The following TNIK variants were observed in gnomAD, a reference collection of about 807,000 sequenced individuals.
TNIK encodes the protein TRAF2 and NCK interacting kinase, also known as TRAF2 and NCK-interacting protein kinase.
A neutral mutation model predicts 191.3 loss-of-function variants in TNIK; 49 were observed. The ratio of observed to expected loss-of-function variants is 0.26; its 90% CI spans 0.20 to 0.32. The LOEUF (loss-of-function observed/expected upper bound fraction) is 0.32. Ranked by LOEUF, TNIK falls within the 10% of genes least tolerant of loss-of-function variation. The probability of loss-of-function intolerance (pLI) is 1.00; values close to 1 mark genes in which losing one functional copy is unlikely to be tolerated. For missense variants in TNIK, 1,155 were observed against 1,702.3 expected, an observed-to-expected ratio of 0.68 and a Z score of 5.66; for synonymous variants, 594 against 600.9, an observed-to-expected ratio of 0.99 and a Z score of 0.17.
At chr3:171,213,996 G>A (rs2108924879) in intron 3 of TNIK, among the ~76,000 whole-genome samples, 1 of 152,268 alleles carries the variant, frequency 6.6e-6, no homozygotes, top group East Asian at 1.9e-4. Context: ...AGGCCAAAAT[G>A]TAAATCACTT....
At chr3:171,422,859 C>T (rs1459887805) in intron 1 of TNIK, among the ~76,000 whole-genome samples, 6 of 152,242 alleles carry the variant, frequency 3.9e-5, no homozygotes, top group Admixed American at 3.9e-4. Flanking sequence ...CTTCAGAACC[C>T]TGGGATCTTC....
intron 4 of TNIK, among the ~76,000 whole-genome samples, chr3:171,198,373 C>T (rs891778720): frequency 2.0e-5 from 3 of 151,966 alleles, no homozygotes; most frequent in Middle Eastern, 3.2e-3. Flanking sequence ...CTAGTGGATG[C>T]CAGGGACTGG....
In TNIK at chr3:171,126,095, T is replaced by A; in HGVS notation, c.1830A>T (p.Ser610=). ...SQGPALTASQ[S]VHEQPTKGLS... is the part of the protein sequence containing the mutation. ...GGCCCTTTGTGGGCTGCTCGTGCAC[T>A]GACTGGGAGGCGGTCAAGGCAGGTC... The change falls in exon 17 of 33, where the codon TCA becomes TCT. Residue 610 remains serine (S), a synonymous_variant. Coordinates refer to ENST00000436636, the MANE Select transcript of TNIK (RefSeq NM_015028.4). 1 of 1,601,650 alleles carries A rather than the reference T, an allele frequency of 6.2e-7. No individual in the cohort carries two copies. The highest frequency in any genetic ancestry group is 2.2e-5 in the East Asian group (1 of 44,702).
intron 2 of TNIK, among the ~76,000 whole-genome samples, chr3:171,303,792 T>G (rs1388949511): frequency 6.6e-6 from 1 of 152,226 alleles, no homozygotes; most frequent in Non-Finnish European, 1.5e-5. Context: ...CATAGCCCCC[T>G]GACTCCACCT....
intron 2 of TNIK, among the ~76,000 whole-genome samples, chr3:171,322,412 T>C (rs1755257602): frequency 1.3e-5 from 2 of 152,172 alleles, no homozygotes; most frequent in African/African-American, 4.8e-5. Context: ...GCTTCAAAAA[T>C]GACACTCCCA....
intron 15 of TNIK, among the ~76,000 whole-genome samples, chr3:171,129,243 G>A (rs747566676): frequency 7.9e-5 from 12 of 152,144 alleles, no homozygotes; most frequent in South Asian, 2.1e-4. Context: ...GACAATCAAA[G>A]GGAATGGTAG....
chr3:171,456,697 T>C (rs1728833362), intron 1 of TNIK, among the ~76,000 whole-genome samples: 1 of 152,176 alleles, frequency 6.6e-6, no homozygotes. Context: ...GGCCTAGAGC[T>C]CCATGGTTTC....
At chr3:171,288,342 A>G (rs867702414) in intron 2 of TNIK, among the ~76,000 whole-genome samples, 52 of 138,776 alleles carry the variant, frequency 3.7e-4, no homozygotes, top group African/African-American at 1.5e-3. Flanking sequence ...AAAAGAAAAT[A>G]TTTGGGTGGA....
chr3:171,450,172 A>T (rs1728002783), intron 1 of TNIK, among the ~76,000 whole-genome samples: 1 of 152,090 alleles, frequency 6.6e-6, no homozygotes, highest in African/African-American at 2.4e-5. Flanking sequence ...TACAGCACAT[A>T]TTTCCAGCTT....
intron 28 of TNIK, among the ~76,000 whole-genome samples, chr3:171,071,770 A>G (rs1236903597): frequency 1.3e-5 from 2 of 152,178 alleles, no homozygotes; most frequent in Admixed American, 6.5e-5. Flanking sequence ...TATTATTTAT[A>G]TTTGAATTCC....
At chr3:171,146,382 T>G (rs1431332331) in intron 12 of TNIK, among the ~76,000 whole-genome samples, 1 of 152,232 alleles carries the variant, frequency 6.6e-6, no homozygotes. Flanking sequence ...CTGGTCCATC[T>G]TTTATATACA....
chr3:171,245,001 A>G (rs1277889074), intron 2 of TNIK, among the ~76,000 whole-genome samples: 1 of 152,164 alleles, frequency 6.6e-6, no homozygotes. Context: ...AACTATACCA[A>G]TAATGATTCA....
At chr3:171,456,813 C>G (rs1158413475) in intron 1 of TNIK, among the ~76,000 whole-genome samples, 1 of 152,212 alleles carries the variant, frequency 6.6e-6, no homozygotes, top group Non-Finnish European at 1.5e-5. Flanking sequence ...TGTACTCAGG[C>G]AGAAAATGTA....
At chr3:171,067,562 C>T (rs61791140) in intron 30 of TNIK, among the ~76,000 whole-genome samples, 14,665 of 150,604 alleles carry the variant, frequency 0.097, 793 homozygotes, top group Middle Eastern at 0.14. Context: ...CCCAGCTACT[C>T]GGGAGGCTGA....
rs756799868 is a variant in TNIK, at chr3:171,062,361, C to G, written c.*1520G>C. The stretch of plus-strand genomic sequence containing the variant: ...CTCTATATGTCTCCTGGAGATAACA[C>G]TGCTGTGATGAACAGTGAAACAAAA... On this transcript the variant is annotated 3_prime_UTR_variant, in exon 33 of 33. Transcript: ENST00000436636. The G allele has an allele frequency of 1.3e-5, 2 of 152,086 alleles. No homozygotes were observed. The highest frequency in any genetic ancestry group is 2.9e-5 in the Non-Finnish European group (2 of 68,026). The allele number at this position is 152,086 out of a possible 1,614,324, so 9.4% of individuals were successfully genotyped here. A position where few individuals can be genotyped will look rare whatever the true frequency, so the allele number is the denominator to read the frequency against.
intron 21 of TNIK, among the ~76,000 whole-genome samples, chr3:171,104,062 A>ATTGAAAATTT (rs143861311): frequency 0.012 from 4 of 334 alleles, no homozygotes; most frequent in Admixed American, 0.021. Context: ...ATTAGAAATA[A>ATTGAAAATTT]CAATTAAACT....
At chr3:171,066,536 G>T in intron 31 of TNIK, 40 bp downstream of exon 31, 1 of 1,612,556 alleles carries the variant, frequency 6.2e-7, no homozygotes, top group Non-Finnish European at 8.5e-7. Context: ...TTCATTTGGG[G>T]GGTGTAACTG....
chr3:171,413,380 C>A (rs79816223), intron 1 of TNIK, among the ~76,000 whole-genome samples: 311 of 152,290 alleles, frequency 2.0e-3, no homozygotes, highest in African/African-American at 7.0e-3. Flanking sequence ...ATCACACACA[C>A]ATATCCCACC....
chr3:171,180,277 C>T (rs1376473214), intron 7 of TNIK, among the ~76,000 whole-genome samples: 1 of 152,178 alleles, frequency 6.6e-6, no homozygotes, highest in African/African-American at 2.4e-5. Flanking sequence ...CTCCCCAAAG[C>T]CTGCTCAACC....
Sources: allele counts gnomAD v4.1 joint callset (sites outside exome capture counted in the v4.1 genomes callset), GRCh38; gene constraint gnomAD v4.1.1; transcripts MANE v1.5; gene names NCBI Gene and HGNC (gene_info 2026-07-23, HGNC 2026-07-21).